The following WDR33 variants were observed in gnomAD, a reference collection of about 807,000 sequenced individuals.
WDR33 encodes pre-mRNA 3' end processing protein WDR33.
In WDR33, 47 loss-of-function variants were observed where a neutral mutation model predicts 164.9. The observed-to-expected ratio is 0.29, with a 90% CI of 0.23 to 0.36. WDR33 has a LOEUF of 0.36. Among genes scored for constraint, WDR33 ranks in the 10% least tolerant of loss-of-function variants. The pLI is 1.00. For synonymous variants in WDR33, 505 were observed against 589.0 expected (o/e 0.86, Z 2.06); for missense variants, 1,137 against 1,754.1 (o/e 0.65, Z 6.28).
chr2:127,794,499 CAAAGG>C (rs1688956777), intron 1 of WDR33, among the ~76,000 whole-genome samples: 2 of 146,084 alleles, frequency 1.4e-5, no homozygotes, highest in South Asian at 2.2e-4. Context: ...GAGACTTCAT[CAAAGG>C]AAAGGAAAGG....
intron 7 of WDR33, among the ~76,000 whole-genome samples, chr2:127,747,414 T>C (rs1573910477): frequency 6.6e-6 from 1 of 151,948 alleles, no homozygotes; most frequent in South Asian, 2.1e-4. Context: ...ATCAACAATA[T>C]TTTAGGGCTA....
At position 127,710,803 on chromosome 2, in the gene WDR33, T is replaced by C. The variant is rs1686142200; in HGVS notation, c.3309-947A>G. Among the ~76,000 whole-genome samples the C allele has an allele frequency of 6.6e-6, 1 of 152,206 alleles. No homozygotes were observed. The highest frequency in any genetic ancestry group is 1.5e-5 in the Non-Finnish European group (1 of 68,044). ...TGCTCTTCCTCAGGTTTCCATTCCATTGCCTTTATCCTAATCTTCTACTTG... is the reference window on the plus strand; with the variant it reads ...TGCTCTTCCTCAGGTTTCCATTCCACTGCCTTTATCCTAATCTTCTACTTG... On this transcript the variant is annotated intron_variant, in intron 18 of 21. Transcript: ENST00000322313. This position sits in a 1 kb window ranked among gnomAD's most constrained non-coding sequence, Gnocchi z 4.4.
intron 1 of WDR33, among the ~76,000 whole-genome samples, chr2:127,777,842 G>A (rs1351471230): frequency 1.3e-5 from 2 of 152,066 alleles, no homozygotes; most frequent in African/African-American, 4.8e-5. Context: ...GAACTCCTGA[G>A]CTCAAGCGAT....
chr2:127,740,861 A>T (rs532722359), intron 7 of WDR33, among the ~76,000 whole-genome samples: 1 of 152,364 alleles, frequency 6.6e-6, no homozygotes, highest in Admixed American at 6.5e-5. Context: ...GGATGAACTT[A>T]TTTCGCAAGA....
chr2:127,736,427 T>C, intron 7 of WDR33: 1 of 985,428 alleles, frequency 1.0e-6, no homozygotes, highest in Non-Finnish European at 1.2e-6. Flanking sequence ...GAAGTGTTTT[T>C]CAAGTTATAA....
At position 127,701,142 on chromosome 2, in the gene WDR33, TCACCGC is replaced by T. The variant is rs1685867733; in HGVS notation, c.*5175_*5180del. The T allele has an allele frequency of 6.1e-6, 1 of 164,472 alleles. No individual in the cohort carries two copies. Among genetic ancestry groups the T allele is most frequent in the South Asian group, 2.0e-4 (1 of 4,938 alleles). The allele number at this position is 164,472 out of a possible 1,614,324, so 10.2% of individuals were successfully genotyped here. On this transcript the variant is annotated 3_prime_UTR_variant, in exon 22 of 22. Coordinates refer to ENST00000322313, the MANE Select transcript of WDR33 (RefSeq NM_018383.5). ...TCCATGTTGCAAAACTAGCACAATA[TCACCGC>T]CACGGTAGACGCAGTGAGGCCATAA...
At chr2:127,750,691 T>TGTGTATACATAC (rs1558936875) in intron 7 of WDR33, among the ~76,000 whole-genome samples, 8 of 53,880 alleles carry the variant, frequency 1.5e-4, no homozygotes, top group African/African-American at 8.2e-4. Context: ...TATATATATA[T>TGTGTATACATAC]ATATATATAT....
rs531126321 is a variant in WDR33 at position 127,723,486 on chromosome 2, C to A, written c.1197-139G>T. The A allele has an allele frequency of 1.5e-6, 1 of 662,432 alleles. No individual in the cohort carries two copies. Among genetic ancestry groups the A allele is most frequent in the South Asian group, 2.0e-5 (1 of 49,266 alleles). The allele number at this position is 662,432 out of a possible 1,614,324, so 41.0% of individuals were successfully genotyped here. A position where few individuals can be genotyped will look rare whatever the true frequency, so the allele number is the denominator to read the frequency against. ...TACAAATTTAAAATGTGAGGTCATA[C>A]ACTTTGGCTCACATCTGTAATCCCA... On this transcript the variant is annotated intron_variant, in intron 11 of 21. Transcript: ENST00000322313. The surrounding 1 kb of genome is among the most constrained non-coding windows in gnomAD (Gnocchi z 5.9).
intron 1 of WDR33, among the ~76,000 whole-genome samples, chr2:127,809,235 A>G (rs1195291090): frequency 3.9e-5 from 6 of 152,056 alleles, no homozygotes; most frequent in Admixed American, 3.9e-4. Context: ...TACTTAGCAA[A>G]GAGAGCTCTG....
chr2:127,774,048 C>CT (rs776082351), intron 1 of WDR33, among the ~76,000 whole-genome samples: 6,569 of 110,764 alleles, frequency 0.059, 523 homozygotes, highest in African/African-American at 0.18. Context: ...GCCCAAAAGC[C>CT]TTTTTTTTTT....
rs2105374631 is a variant in WDR33, at chr2:127,713,101, C to T, written c.3308+482G>A. 6.6e-6 allele frequency among the ~76,000 whole-genome samples: 1 copy of T among 152,242 alleles called. No individual in the cohort carries two copies. The highest frequency in any genetic ancestry group is 2.1e-4 in the South Asian group (1 of 4,816). ...CACATTTCTTCTGTTCCTTAAACTC[C>T]CCAAGAATGCTGAGATGAGTGTTCA... On this transcript the variant is annotated intron_variant, in intron 18 of 21. Transcript: ENST00000322313. The surrounding 1 kb of genome is among the most constrained non-coding windows in gnomAD (Gnocchi z 6.2).
chr2:127,780,043 G>C (rs13019876), intron 1 of WDR33, among the ~76,000 whole-genome samples: 3 of 149,228 alleles, frequency 2.0e-5, no homozygotes, highest in Middle Eastern at 6.9e-3. Context: ...GTGCGATCTC[G>C]GCTCACTGCA....
intron 7 of WDR33, among the ~76,000 whole-genome samples, chr2:127,758,413 T>C (rs568861231): frequency 6.6e-6 from 1 of 152,344 alleles, no homozygotes; most frequent in East Asian, 1.9e-4. Flanking sequence ...CTGACAGGTT[T>C]ATTTAACTTT....
intron 1 of WDR33, among the ~76,000 whole-genome samples, chr2:127,794,164 G>A (rs1688941270): frequency 1.4e-5 from 2 of 144,814 alleles, no homozygotes; most frequent in South Asian, 4.6e-4. Context: ...CAGACAGACA[G>A]AAAGACAGAC....
In WDR33 at chr2:127,763,969, A is replaced by G; in HGVS notation, c.627-810T>C. The G allele has an allele frequency of 1.0e-6, 1 of 985,854 alleles. No homozygotes were observed. 61.1% of individuals were successfully genotyped at this position (985,854 alleles called of 1,614,324 possible). ...TCCAACAATTTCTGTTAAGATTCTG[A>G]AAGTATGAACAAATGACTACAGTGG... On this transcript the variant is annotated intron_variant, in intron 6 of 21. Coordinates refer to ENST00000322313, the MANE Select transcript of WDR33 (RefSeq NM_018383.5). This position sits in a 1 kb window ranked among gnomAD's most constrained non-coding sequence, Gnocchi z 4.5.
In WDR33 at chr2:127,719,935, C is replaced by T. The variant is rs1389306060; in HGVS notation, c.2090G>A (p.Gly697Asp). 1 of 1,614,026 alleles carries T rather than the reference C, an allele frequency of 6.2e-7. No homozygotes were observed. The highest frequency in any genetic ancestry group is 2.2e-5 in the East Asian group (1 of 44,878). ...CATATGACCTTGAGGACCAGAACTA[C>T]CTTGTGGTCCAGGTGGCCCTTGAGG... ...LGPQGPPGPQGSSGPQGHMGP... is the reference protein window; with the variant it reads ...LGPQGPPGPQDSSGPQGHMGP... Residue 697 changes from glycine (G) to aspartate (D), a missense_variant, in exon 16 of 22, where the codon GGT (glycine) becomes GAT (aspartate). Gly to Asp is a moderately conservative substitution (Grantham distance 94). This residue lies in a region of WDR33 where 867 missense variants were observed against 1,073.0 expected (regional missense o/e 0.81). Coordinates refer to ENST00000322313, the MANE Select transcript of WDR33 (RefSeq NM_018383.5). The surrounding 1 kb of genome is among the most constrained non-coding windows in gnomAD (Gnocchi z 6.5).
intron 1 of WDR33, among the ~76,000 whole-genome samples, chr2:127,781,440 G>C (rs1688365472): frequency 6.6e-6 from 1 of 152,122 alleles, no homozygotes; most frequent in African/African-American, 2.4e-5. Context: ...GAAAACTATA[G>C]ATACACACAA....
At chr2:127,803,195 G>C (rs1391316462) in intron 1 of WDR33, among the ~76,000 whole-genome samples, 1 of 152,032 alleles carries the variant, frequency 6.6e-6, no homozygotes, top group Non-Finnish European at 1.5e-5. Context: ...CACTTGGTAG[G>C]GTTATTGTTA....
intron 1 of WDR33, among the ~76,000 whole-genome samples, chr2:127,772,695 C>A (rs1688048891): frequency 6.6e-6 from 1 of 152,066 alleles, no homozygotes; most frequent in Non-Finnish European, 1.5e-5. Context: ...TACATATTTA[C>A]AAAGGTAACA....
Sources: allele counts gnomAD v4.1 joint callset (sites outside exome capture counted in the v4.1 genomes callset), GRCh38; gene constraint gnomAD v4.1.1; regional missense constraint gnomAD v4.1.1; non-coding constraint Gnocchi (gnomAD v3.1); transcripts MANE v1.5; gene names NCBI Gene and HGNC (gene_info 2026-07-23, HGNC 2026-07-21).